The following LYZL4 variants were observed in gnomAD, a reference collection of about 807,000 sequenced individuals.
LYZL4 encodes lysozyme-like protein 4.
LYZL4 carries 13 observed loss-of-function variants against 17.6 expected under a neutral mutation model. That is an observed-to-expected ratio of 0.74 (90% CI 0.48 to 1.18). LYZL4 has a LOEUF of 1.18. LYZL4 is among the 50% of genes most tolerant of loss of function. The pLI is 0.00. For synonymous variants in LYZL4, 64 were observed against 67.7 expected, an observed-to-expected ratio of 0.95 and a Z score of 0.27; for missense variants, 174 against 188.2, an observed-to-expected ratio of 0.92 and a Z score of 0.44.
chr3:42,380,834 G>A, the LYZL4 span, among the ~76,000 whole-genome samples: 2 of 152,232 alleles, frequency 1.3e-5, no homozygotes, highest in Non-Finnish European at 2.9e-5. Context: ...CCAATGTGGG[G>A]CTGGGCCCTG....
At chr3:42,403,816 C>A (rs973490824) in intron 4 of LYZL4, among the ~76,000 whole-genome samples, 1 of 152,048 alleles carries the variant, frequency 6.6e-6, no homozygotes, top group South Asian at 2.1e-4. Context: ...TCTATATAAC[C>A]CTAAACAAGA....
chr3:42,387,901 C>T, the LYZL4 span, among the ~76,000 whole-genome samples: 1 of 152,140 alleles, frequency 6.6e-6, no homozygotes, highest in African/African-American at 2.4e-5. Flanking sequence ...ATTGTTGGGA[C>T]AAATCTCACT....
At chr3:42,401,389 T>C (rs992738149) in intron 4 of LYZL4, among the ~76,000 whole-genome samples, 15 of 152,044 alleles carry the variant, frequency 9.9e-5, no homozygotes, top group African/African-American at 3.1e-4. Context: ...TTTTGCATTT[T>C]TTTTTTAGTA....
chr3:42,368,194 G>A, the LYZL4 span, among the ~76,000 whole-genome samples: 1 of 152,198 alleles, frequency 6.6e-6, no homozygotes, highest in Non-Finnish European at 1.5e-5. Context: ...GAGCCCCAGG[G>A]CTCTGCAGTA....
downstream of LYZL4, among the ~76,000 whole-genome samples, chr3:42,394,887 A>T (rs575882801): frequency 2.0e-5 from 3 of 152,344 alleles, no homozygotes; most frequent in East Asian, 5.8e-4. Context: ...CATCAATTGC[A>T]GGTTATTAAT....
At chr3:42,373,612 C>T in the LYZL4 span, among the ~76,000 whole-genome samples, 16 of 152,146 alleles carry the variant, frequency 1.1e-4, no homozygotes, top group Non-Finnish European at 2.1e-4. Context: ...TTCTCATTGC[C>T]GGCAATGACT....
the LYZL4 span, among the ~76,000 whole-genome samples, chr3:42,365,838 A>C: frequency 6.6e-6 from 1 of 152,182 alleles, no homozygotes; most frequent in Non-Finnish European, 1.5e-5. Flanking sequence ...ATTTTTACTT[A>C]TTGGCATTTT....
chr3:42,373,301 G>C, the LYZL4 span, among the ~76,000 whole-genome samples: 1 of 152,164 alleles, frequency 6.6e-6, no homozygotes, highest in Non-Finnish European at 1.5e-5. Context: ...AGTCAGGAAT[G>C]AGGTGAGGGT....
chr3:42,393,664 C>G (rs1698517251), downstream of LYZL4, among the ~76,000 whole-genome samples: 1 of 152,188 alleles, frequency 6.6e-6, no homozygotes, highest in Non-Finnish European at 1.5e-5. Flanking sequence ...TTCCAAGTTT[C>G]CCCAAGATCA....
chr3:42,404,188 AG>A, intron 3 of LYZL4, 64 bp from the exon 4 acceptor site: 1 of 1,060,500 alleles, frequency 9.4e-7, no homozygotes, highest in Non-Finnish European at 1.5e-6. Context: ...GAGTGATGTC[AG>A]GGAAGGTACA....
intron 1 of LYZL4, among the ~76,000 whole-genome samples, chr3:42,408,289 C>T (rs1698797832): frequency 6.6e-6 from 1 of 152,204 alleles, no homozygotes; most frequent in African/African-American, 2.4e-5. Flanking sequence ...ACCCCATCCA[C>T]CCTTTATCAG....
At chr3:42,405,516 C>T (rs1049714337) in intron 3 of LYZL4, among the ~76,000 whole-genome samples, 1 of 152,168 alleles carries the variant, frequency 6.6e-6, no homozygotes, top group African/African-American at 2.4e-5. Flanking sequence ...ACAGGTACTC[C>T]CCAGGCCACA....
At chr3:42,406,347 G>C (rs984527775) in intron 3 of LYZL4, among the ~76,000 whole-genome samples, 6 of 151,390 alleles carry the variant, frequency 4.0e-5, no homozygotes, top group African/African-American at 1.5e-4. Context: ...CCAGCTACTC[G>C]GGAGGCTGAG....
chr3:42,402,823 G>A (rs1295253759), intron 4 of LYZL4, among the ~76,000 whole-genome samples: 2 of 152,118 alleles, frequency 1.3e-5, no homozygotes, highest in East Asian at 1.9e-4. Context: ...ACTGTCCATG[G>A]CAGCACTAAA....
At position 42,407,153 on chromosome 3, in the gene LYZL4, AT is replaced by A; in HGVS notation, c.98del (p.Asp33ValfsTer68). On this transcript the variant is annotated frameshift_variant, in exon 2 of 5. Coordinates refer to ENST00000287748, the MANE Select transcript of LYZL4 (RefSeq NM_144634.4). LOFTEE classifies it high-confidence loss of function. ...AGCCCTCAAAATAATCCAGGCCTCC[AT>A]CGTGGAGTTTCTTAGCCACTGTGCA... ...GRCTVAKKLHDGGLDYFEGYS... is the reference protein window; with the variant it reads ...GRCTVAKKLHXGGLDYFEGYS... 6.2e-7 allele frequency: 1 copy of A among 1,614,198 alleles called. No homozygotes were observed. The highest frequency in any genetic ancestry group is 1.1e-5 in the South Asian group (1 of 91,074).
chr3:42,382,226 ATT>A, the LYZL4 span, among the ~76,000 whole-genome samples: 1 of 152,308 alleles, frequency 6.6e-6, no homozygotes, highest in South Asian at 2.1e-4. Context: ...TGGTTGACCC[ATT>A]TCTCTCCCTT....
the LYZL4 span, among the ~76,000 whole-genome samples, chr3:42,379,782 A>C: frequency 1.3e-5 from 2 of 152,166 alleles, no homozygotes; most frequent in Admixed American, 1.3e-4. Flanking sequence ...GTGCCCTCCC[A>C]AAACTCATAT....
chr3:42,378,328 A>C, the LYZL4 span, among the ~76,000 whole-genome samples: 1 of 152,176 alleles, frequency 6.6e-6, no homozygotes, highest in Non-Finnish European at 1.5e-5. Context: ...TTTAACTCCC[A>C]GTGGCCTCAG....
intron 3 of LYZL4, among the ~76,000 whole-genome samples, chr3:42,405,210 G>A (rs1249392907): frequency 2.0e-5 from 3 of 152,232 alleles, no homozygotes; most frequent in African/African-American, 4.8e-5. Context: ...CACCACGCCC[G>A]TCTAATTTTT....
Sources: allele counts gnomAD v4.1 joint callset (sites outside exome capture counted in the v4.1 genomes callset), GRCh38; gene constraint gnomAD v4.1.1; transcripts MANE v1.5; gene names NCBI Gene and HGNC (gene_info 2026-07-23, HGNC 2026-07-21).